The following MARCHF10 variants were observed in gnomAD, a reference collection of about 807,000 sequenced individuals.
MARCHF10 encodes the protein membrane associated ring-CH-type finger 10.
A neutral mutation model predicts 76.2 loss-of-function variants in MARCHF10; 64 were observed. That is an observed-to-expected ratio of 0.84 (90% CI 0.69 to 1.03). The LOEUF (loss-of-function observed/expected upper bound fraction) is 1.03, where lower values mean the gene tolerates loss of function less well. Among genes scored for constraint, MARCHF10 ranks in the 50% least tolerant of loss-of-function variants. MARCHF10 has a pLI of 0.00. For synonymous variants in MARCHF10, 340 were observed against 357.5 expected, an observed-to-expected ratio of 0.95 and a Z score of 0.55; for missense variants, 875 against 958.0, an observed-to-expected ratio of 0.91 and a Z score of 1.14.
chr17:62,770,681 C>A (rs2092427571), intron 3 of MARCHF10, among the ~76,000 whole-genome samples: 1 of 151,570 alleles, frequency 6.6e-6, no homozygotes, highest in Non-Finnish European at 1.5e-5. Flanking sequence ...GCTGGGATTA[C>A]AGGCGTGGAC....
chr17:62,734,800 A>C (rs1459574402), intron 6 of MARCHF10, among the ~76,000 whole-genome samples: 1 of 152,236 alleles, frequency 6.6e-6, no homozygotes, highest in Non-Finnish European at 1.5e-5. Flanking sequence ...CACGAATAAT[A>C]GCTGTTTAAT....
rs2091303014 is a variant in MARCHF10, at chr17:62,737,071, T to C, written c.797A>G (p.Lys266Arg). 6.2e-7 allele frequency: 1 copy of C among 1,614,028 alleles called. No homozygotes were observed. The highest frequency in any genetic ancestry group is 1.7e-5 in the Admixed American group (1 of 59,986). Residue 266 changes from lysine to arginine, a missense_variant, in exon 6 of 11, where the codon AAG becomes AGG. Physicochemically the swap from Lys to Arg is conservative, Grantham distance 26. Transcript: ENST00000311269. ...TTCATCTCGGAACCTAAATGATGCC[T>C]TTCTTGGCCCTCCTACAGTGGTGGG... Reference protein sequence around the residue: ...LTPTTVGGPRKASFRFRDEDF... With the variant: ...LTPTTVGGPRRASFRFRDEDF...
chr17:62,707,456 C>T (rs34621354), intron 9 of MARCHF10: 8,134 of 152,416 alleles, frequency 0.053, 342 homozygotes, highest in African/African-American at 0.12. Context: ...ATCATCCCCA[C>T]GGTGGATCCA....
intron 8 of MARCHF10, among the ~76,000 whole-genome samples, chr17:62,717,605 T>C (rs1258271576): frequency 1.3e-5 from 2 of 152,218 alleles, no homozygotes; most frequent in African/African-American, 4.8e-5. Context: ...AGGGAGAAGC[T>C]GGGTGTCTCT....
intron 2 of MARCHF10, among the ~76,000 whole-genome samples, chr17:62,799,687 G>A (rs916255735): frequency 1.3e-5 from 2 of 150,858 alleles, no homozygotes; most frequent in African/African-American, 2.4e-5. Context: ...CAGAGGTTGC[G>A]ATGAGCCAAG....
intron 6 of MARCHF10, among the ~76,000 whole-genome samples, chr17:62,733,797 T>C (rs539728046): frequency 6.6e-6 from 1 of 152,288 alleles, no homozygotes; most frequent in South Asian, 2.1e-4. Flanking sequence ...TCACTAAGGA[T>C]GTAAGAGGAA....
At chr17:62,779,867 C>A (rs368845429) in intron 3 of MARCHF10, among the ~76,000 whole-genome samples, 3 of 152,284 alleles carry the variant, frequency 2.0e-5, no homozygotes, top group East Asian at 1.9e-4. Context: ...GAGGCCGAGG[C>A]GGGTGGATCA....
chr17:62,798,407 T>G (rs1393278445), intron 2 of MARCHF10, among the ~76,000 whole-genome samples: 2 of 144,868 alleles, frequency 1.4e-5, no homozygotes, highest in Admixed American at 1.4e-4. Flanking sequence ...GAGGATGACC[T>G]GAGGCCAGGA....
chr17:62,748,405 A>AAAAC (rs147656820), intron 4 of MARCHF10, among the ~76,000 whole-genome samples: 81,470 of 147,732 alleles, frequency 0.55, 22,840 homozygotes, highest in East Asian at 0.68. Flanking sequence ...CTCCATCTCA[A>AAAAC]AAACAAACAA....
intron 2 of MARCHF10, among the ~76,000 whole-genome samples, chr17:62,792,546 TGCAC>T (rs2092864070): frequency 7.3e-6 from 1 of 137,398 alleles, no homozygotes; most frequent in African/African-American, 2.8e-5. Context: ...CACCACCACC[TGCAC>T]CACCACCACC....
Position 62,759,778 on chromosome 17 carries a change from G to C in MARCHF10, c.382+57C>G. The stretch of plus-strand genomic sequence containing the variant: ...GAGCCACCGTGCTCGGCCTGTTGTT[G>C]TTATTTTTAATACCGGGATTTTAGA... On this transcript the variant is annotated intron_variant, in intron 4 of 10. Transcript: ENST00000311269. 3 of 1,570,744 alleles carry C rather than the reference G, an allele frequency of 1.9e-6. No homozygotes were observed. In the South Asian group the frequency reaches 3.5e-5, roughly 18 times the overall value.
At chr17:62,732,340 G>C (rs151116364) in intron 6 of MARCHF10, among the ~76,000 whole-genome samples, 17 of 152,304 alleles carry the variant, frequency 1.1e-4, no homozygotes, top group African/African-American at 3.8e-4. Context: ...AGTTATGAAA[G>C]CTGCAGGCAT....
chr17:62,805,407 AAT>A (rs2093147629), intron 1 of MARCHF10, among the ~76,000 whole-genome samples: 1 of 152,188 alleles, frequency 6.6e-6, no homozygotes, highest in Non-Finnish European at 1.5e-5. Flanking sequence ...TCATAATAAA[AAT>A]ATGTTAATGG....
chr17:62,762,259 A>C (rs1046737324), intron 3 of MARCHF10, among the ~76,000 whole-genome samples: 1 of 152,174 alleles, frequency 6.6e-6, no homozygotes, highest in Admixed American at 6.5e-5. Context: ...TGGCCAATTA[A>C]ATCATCCTGT....
At chr17:62,717,555 G>A (rs2090274586) in intron 8 of MARCHF10, among the ~76,000 whole-genome samples, 1 of 152,204 alleles carries the variant, frequency 6.6e-6, no homozygotes, top group Non-Finnish European at 1.5e-5. Flanking sequence ...CGTTGGGTTT[G>A]GCCCATGGGA....
At chr17:62,740,526 A>G (rs2091466603) in intron 5 of MARCHF10, among the ~76,000 whole-genome samples, 1 of 152,212 alleles carries the variant, frequency 6.6e-6, no homozygotes, top group African/African-American at 2.4e-5. Context: ...AGAATAAAAT[A>G]AAAATCCCCC....
Position 62,711,400 on chromosome 17 carries a change from T to C in MARCHF10, c.2215-56A>G. ...ATCTGTAAAATAGTCATGGTCTAAATTGTGGGATGCAGGGTAACAAGGCTA... is the reference window on the plus strand; with the variant it reads ...ATCTGTAAAATAGTCATGGTCTAAACTGTGGGATGCAGGGTAACAAGGCTA... On this transcript the variant is annotated intron_variant, in intron 8 of 10. Coordinates refer to ENST00000311269, the MANE Select transcript of MARCHF10 (RefSeq NM_152598.4). This position sits in a 1 kb window ranked among gnomAD's most constrained non-coding sequence, Gnocchi z 4.4. 3 of 1,533,864 alleles carry C rather than the reference T, an allele frequency of 2.0e-6. No individual in the cohort carries two copies. The highest frequency in any genetic ancestry group is 1.7e-4 in the Middle Eastern group (1 of 5,912).
chr17:62,704,338 A>G (rs2089443241), intron 10 of MARCHF10, among the ~76,000 whole-genome samples: 1 of 151,764 alleles, frequency 6.6e-6, no homozygotes, highest in African/African-American at 2.4e-5. Flanking sequence ...CGGGGGGGCG[A>G]GGCCGGGGTC....
At chr17:62,767,188 A>G (rs2092352081) in intron 3 of MARCHF10, among the ~76,000 whole-genome samples, 1 of 152,182 alleles carries the variant, frequency 6.6e-6, no homozygotes, top group Non-Finnish European at 1.5e-5. Context: ...AAGGTTTCTG[A>G]GTAGAAGAAT....
Sources: allele counts gnomAD v4.1 joint callset (sites outside exome capture counted in the v4.1 genomes callset), GRCh38; gene constraint gnomAD v4.1.1; non-coding constraint Gnocchi (gnomAD v3.1); transcripts MANE v1.5; gene names NCBI Gene and HGNC (gene_info 2026-07-23, HGNC 2026-07-21).